The following ZNF200 variants were observed in gnomAD, a reference collection of about 807,000 sequenced individuals.
ZNF200 encodes the protein zinc finger protein 200.
Under a neutral mutation model 33.6 loss-of-function variants are expected in ZNF200, and 35 were observed. That is an observed-to-expected ratio of 1.04 (90% CI 0.80 to 1.38). The LOEUF (loss-of-function observed/expected upper bound fraction) is 1.38. Among genes scored for constraint, ZNF200 ranks in the 40% most tolerant of loss-of-function variants. The pLI, the probability that ZNF200 is intolerant of heterozygous loss-of-function variation, is 0.00. For missense variants in ZNF200, 592 were observed against 470.6 expected, an observed-to-expected ratio of 1.26 and a Z score of -2.39; for synonymous variants, 209 against 167.7, an observed-to-expected ratio of 1.25 and a Z score of -1.90.
intron 4 of ZNF200, among the ~76,000 whole-genome samples, chr16:3,230,627 C>T (rs140743457): frequency 4.5e-4 from 68 of 152,332 alleles, no homozygotes; most frequent in African/African-American, 1.6e-3. Flanking sequence ...TTATCAAGGA[C>T]TGTTCTTTGA....
chr16:3,222,608 A>G lies in ZNF200; in HGVS notation c.*1284T>C, dbSNP rs1009704395. The G allele has an allele frequency of 3.9e-5, 6 of 152,236 alleles. No homozygotes were observed. The highest frequency in any genetic ancestry group is 2.6e-4 in the Admixed American group (4 of 15,270). The allele number at this position is 152,236 out of a possible 1,614,324, so 9.4% of individuals were successfully genotyped here. On this transcript the variant is annotated 3_prime_UTR_variant, in exon 5 of 5. Coordinates refer to ENST00000414144, the MANE Select transcript of ZNF200 (RefSeq NM_198088.3). ...TGTTTCTGGATGGGAAACATACACT[A>G]TAATTTTTCCCAAATAGCTTATAGG...
chr16:3,233,291 T>C (rs1374468081), intron 2 of ZNF200, among the ~76,000 whole-genome samples: 1 of 152,226 alleles, frequency 6.6e-6, no homozygotes, highest in African/African-American at 2.4e-5. Flanking sequence ...TCAGAATGTT[T>C]GGGTAAAACT....
At chr16:3,226,709 G>A (rs1567218980) in intron 4 of ZNF200, 1 of 152,106 alleles carries the variant, frequency 6.6e-6, no homozygotes, top group East Asian at 1.9e-4. Context: ...ATACCACAGT[G>A]AATAATCTTC....
rs191413418 is a variant in ZNF200 at position 3,230,218 on chromosome 16, C to T, written c.466+2203G>A. 2.1e-3 allele frequency among the ~76,000 whole-genome samples: 311 copies of T among 151,322 alleles called. 2 individuals carry two copies. The highest frequency in any genetic ancestry group is 2.9e-3 in the East Asian group (15 of 5,176). ...GCTGACGCCATGCTTCTTGTACAGC[C>T]TACAGAAAACTGTGAGCCAAATAAA... On this transcript the variant is annotated intron_variant, in intron 4 of 4. Coordinates refer to ENST00000414144, the MANE Select transcript of ZNF200 (RefSeq NM_198088.3).
Position 3,223,956 on chromosome 16 carries a change from C to A in ZNF200, c.1124G>T (p.Arg375Leu). ...CTCATGCCGGGTACAGTTTGACAGC[C>A]GACCAAATCTTCTCCCACATTTTTT... ...GCKKCGRRFG[R>L]LSNCTRHEKT... Residue 375 changes from arginine to leucine, a missense_variant, in exon 5 of 5, where the codon CGG becomes CTG. Arg to Leu is a moderately radical substitution (Grantham distance 102, BLOSUM62 -2). Transcript: ENST00000414144. The A allele has an allele frequency of 6.2e-7, 1 of 1,614,104 alleles. No individual in the cohort carries two copies. The highest frequency in any genetic ancestry group is 8.5e-7 in the Non-Finnish European group (1 of 1,180,022).
Position 3,222,646 on chromosome 16 carries a change from C to A in ZNF200, c.*1246G>T, listed in dbSNP as rs565512133. On this transcript the variant is annotated 3_prime_UTR_variant, in exon 5 of 5. Transcript: ENST00000414144. ...AATAGCTTATAGGATTTCTTTATTC[C>A]AATCAAAACACCAATGTATAACTTT... The A allele has an allele frequency of 6.6e-6, 1 of 152,172 alleles. No individual in the cohort carries two copies. Among genetic ancestry groups the A allele is most frequent in the South Asian group, 2.1e-4 (1 of 4,812 alleles). The allele number at this position is 152,172 out of a possible 1,614,324, so 9.4% of individuals were successfully genotyped here. A position where few individuals can be genotyped will look rare whatever the true frequency, so the allele number is the denominator to read the frequency against.
rs753330459 is a variant in ZNF200, at chr16:3,233,766, C to T, written c.-11G>A. On this transcript the variant is annotated 5_prime_UTR_variant, in exon 2 of 5. Transcript: ENST00000414144. ...TTTTGCAGCCATCATGCCTTGCAACCACACACCACACTCGTTTCGCGGGGC... is the reference window on the plus strand; with the variant it reads ...TTTTGCAGCCATCATGCCTTGCAACTACACACCACACTCGTTTCGCGGGGC... The T allele has an allele frequency of 2.5e-6, 4 of 1,603,112 alleles. No individual in the cohort carries two copies. Among genetic ancestry groups the T allele is most frequent in the Admixed American group, 1.7e-5 (1 of 58,854 alleles).
intron 1 of ZNF200, 43 bp downstream of exon 1, chr16:3,234,944 G>A (rs745398421): frequency 6.6e-6 from 1 of 152,358 alleles, no homozygotes; most frequent in Non-Finnish European, 1.5e-5. Flanking sequence ...CCGCTCCCCA[G>A]AGGCGGCCTC....
chr16:3,231,739 C>T (rs571601384), intron 4 of ZNF200, among the ~76,000 whole-genome samples: 1 of 152,326 alleles, frequency 6.6e-6, no homozygotes, highest in South Asian at 2.1e-4. Context: ...GGAGACAGTA[C>T]AGCCCTGGGC....
In ZNF200 at chr16:3,233,640, G is replaced by A. The variant is rs1596343711; in HGVS notation, c.116C>T (p.Pro39Leu). 1 of 1,613,942 alleles carries A rather than the reference G, an allele frequency of 6.2e-7. No individual in the cohort carries two copies. Among genetic ancestry groups the A allele is most frequent in the Non-Finnish European group, 8.5e-7 (1 of 1,179,992 alleles). ...QDLLRDATNGPKTIHQLVLEH... is the reference protein window; with the variant it reads ...QDLLRDATNGLKTIHQLVLEH... ...CAGCACTAGCTGGTGGATGGTCTTG[G>A]GCCCGTTAGTGGCATCTCGAAGTAG... Residue 39 changes from proline (P) to leucine (L), a missense_variant, in exon 2 of 5, where the codon CCC (proline) becomes CTC (leucine). Transcript: ENST00000414144.
rs115823374 is a variant in ZNF200, at chr16:3,231,633, T to C, written c.466+788A>G. On this transcript the variant is annotated intron_variant, in intron 4 of 4. Coordinates refer to ENST00000414144, the MANE Select transcript of ZNF200 (RefSeq NM_198088.3). ...GTTCATACACAGCACTGGGGGACAC[T>C]TGTCAACTATTACTGGGAAATGAGG... Among the ~76,000 whole-genome samples, 1,027 of 152,318 alleles carry C rather than the reference T, an allele frequency of 6.7e-3. 7 individuals carry two copies. The highest frequency in any genetic ancestry group is 0.022 in the African/African-American group (916 of 41,556).
chr16:3,233,768 C>T lies in ZNF200; in HGVS notation c.-13G>A. On this transcript the variant is annotated 5_prime_UTR_variant, in exon 2 of 5. The change creates a new upstream start codon in the 5' untranslated region. Transcript: ENST00000414144. Reference sequence around the variant, plus strand: ...TTGCAGCCATCATGCCTTGCAACCACACACCACACTCGTTTCGCGGGGCCT... The same window carrying T: ...TTGCAGCCATCATGCCTTGCAACCATACACCACACTCGTTTCGCGGGGCCT... 1.9e-6 allele frequency: 3 copies of T among 1,603,366 alleles called. No individual in the cohort carries two copies. The highest frequency in any genetic ancestry group is 2.6e-6 in the Non-Finnish European group (3 of 1,174,238).
In ZNF200 at chr16:3,223,982, GCAACCATATGGTCTCT is replaced by G; in HGVS notation, c.1082_1097del (p.Glu361AlafsTer39). 1 of 1,613,732 alleles carries G rather than the reference GCAACCATATGGTCTCT, an allele frequency of 6.2e-7. No individual in the cohort carries two copies. Among genetic ancestry groups the G allele is most frequent in the Non-Finnish European group, 8.5e-7 (1 of 1,179,928 alleles). On this transcript the variant is annotated frameshift_variant, in exon 5 of 5. Transcript: ENST00000414144. LOFTEE classifies it high-confidence loss of function. ...GACCAAATCTTCTCCCACATTTTTT[GCAACCATATGGTCTCT>G]CAGCCTCATGACTCTGCAGATGAAG...
At chr16:3,228,336 T>C (rs1958530230) in intron 4 of ZNF200, among the ~76,000 whole-genome samples, 1 of 152,146 alleles carries the variant, frequency 6.6e-6, no homozygotes, top group African/African-American at 2.4e-5. Flanking sequence ...ATTACTCTGT[T>C]CTACCTATAA....
At position 3,224,377 on chromosome 16, in the gene ZNF200, C is replaced by T; in HGVS notation, c.703G>A (p.Val235Ile). The T allele has an allele frequency of 6.2e-7, 1 of 1,614,196 alleles. No individual in the cohort carries two copies. Residue 235 changes from valine (V) to isoleucine (I), a missense_variant, in exon 5 of 5, where the codon GTA (valine) becomes ATA (isoleucine). Val to Ile is a conservative substitution (Grantham distance 29). Transcript: ENST00000414144. ...DTPLEELSKY[V>I]DISIIALTRN... is the part of the protein sequence containing the mutation. The stretch of plus-strand genomic sequence containing the variant: ...GTAAGGGCAATAATACTGATGTCTA[C>T]ATATTTTGAGAGTTCCTCTAGAGGA...
Position 3,223,964 on chromosome 16 carries a change from T to C in ZNF200, c.1116A>G (p.Arg372=), listed in dbSNP as rs150911467. ...GGGTACAGTTTGACAGCCGACCAAATCTTCTCCCACATTTTTTGCAACCAT... is the reference window on the plus strand; with the variant it reads ...GGGTACAGTTTGACAGCCGACCAAACCTTCTCCCACATTTTTTGCAACCAT... ...RPYGCKKCGR[R]FGRLSNCTRH... The change falls in exon 5 of 5, where the codon AGA becomes AGG. Residue 372 remains arginine, a synonymous_variant. Coordinates refer to ENST00000414144, the MANE Select transcript of ZNF200 (RefSeq NM_198088.3). 1,102 of 1,614,126 alleles carry C rather than the reference T, an allele frequency of 6.8e-4. 3 individuals carry two copies. In the African/African-American group the frequency reaches 0.012, roughly 17 times the overall value.
Position 3,232,989 on chromosome 16 carries a change from C to T in ZNF200, c.251-68G>A, listed in dbSNP as rs1349333029. On this transcript the variant is annotated intron_variant, in intron 2 of 4. Coordinates refer to ENST00000414144, the MANE Select transcript of ZNF200 (RefSeq NM_198088.3). ...TCTAACACAGAGACTCCCCATACCG[C>T]GAGGCCAGGCTGTCCTCATTCCTTT... 14 of 1,400,536 alleles carry T rather than the reference C, an allele frequency of 1.0e-5. No homozygotes were observed. The Admixed American group carries it at 1.0e-4, about 10-fold the overall frequency. The allele number at this position is 1,400,536 out of a possible 1,614,324, so 86.8% of individuals were successfully genotyped here.
At position 3,229,169 on chromosome 16, in the gene ZNF200, A is replaced by G. The variant is rs146161061; in HGVS notation, c.466+3252T>C. Among the ~76,000 whole-genome samples the G allele has an allele frequency of 5.5e-3, 831 of 151,258 alleles. 5 individuals are homozygous for G. Among genetic ancestry groups the G allele is most frequent in the Non-Finnish European group, 9.9e-3 (668 of 67,790 alleles). On this transcript the variant is annotated intron_variant, in intron 4 of 4. Transcript: ENST00000414144. ...AATGCTACACCATTTTATATAATGAATTTGAGCATCCATGGATTTTGGTAT... is the reference window on the plus strand; with the variant it reads ...AATGCTACACCATTTTATATAATGAGTTTGAGCATCCATGGATTTTGGTAT...
Position 3,233,513 on chromosome 16 carries a change from C to T in ZNF200, c.243G>A (p.Gln81=). Reference sequence around the variant, plus strand: ...CAAGCATGTGCTTCTCACCTCTGTTCTGAAGGCTTGAGCTCACATCTTTCA... The same window carrying T: ...CAAGCATGTGCTTCTCACCTCTGTTTTGAAGGCTTGAGCTCACATCTTTCA... ...VIMKDVSSSL[Q]NRVHPRPLVK... is the part of the protein sequence containing the mutation. The change falls in exon 2 of 5, where the codon CAG becomes CAA. Residue 81 remains glutamine, a synonymous_variant. Coordinates refer to ENST00000414144, the MANE Select transcript of ZNF200 (RefSeq NM_198088.3). 1 of 1,551,878 alleles carries T rather than the reference C, an allele frequency of 6.4e-7. No individual in the cohort carries two copies. The highest frequency in any genetic ancestry group is 8.7e-7 in the Non-Finnish European group (1 of 1,150,708).
Sources: gnomAD v4.1 joint callset for allele counts (sites outside exome capture counted in the v4.1 genomes callset) on GRCh38, gnomAD v4.1.1 for gene constraint, MANE v1.5 for transcripts, NCBI Gene and HGNC (gene_info 2026-07-23, HGNC 2026-07-21) for gene names.